CD36: variants seen among roughly 807,000 people sequenced by gnomAD.
CD36 encodes CD36 molecule (CD36 blood group).
A neutral mutation model predicts 55.2 loss-of-function variants in CD36; 119 were observed. The observed-to-expected ratio is 2.15, with a 90% CI of 1.86 to 2.51. The LOEUF (loss-of-function observed/expected upper bound fraction) is 2.51, where lower values mean the gene tolerates loss of function less well. Ranked by LOEUF, CD36 falls within the 30% of genes most tolerant of loss-of-function variation. CD36 has a pLI of 0.00. For synonymous variants in CD36, 186 were observed against 193.6 expected, an observed-to-expected ratio of 0.96 and a Z score of 0.33; for missense variants, 819 against 555.5, an observed-to-expected ratio of 1.47 and a Z score of -4.77.
chr7:80,602,604 C>G (rs1792302048), intron 1 of CD36, among the ~76,000 whole-genome samples: 1 of 152,134 alleles, frequency 6.6e-6, no homozygotes, highest in Admixed American at 6.5e-5. Flanking sequence ...CCACAAGTCT[C>G]TAAATTCCAT....
intron 3 of CD36, among the ~76,000 whole-genome samples, chr7:80,647,726 C>A (rs1282055922): frequency 6.6e-6 from 1 of 152,028 alleles, no homozygotes; most frequent in East Asian, 1.9e-4. Flanking sequence ...GTGCCAAGAA[C>A]AAGATAAAAT....
In CD36 at chr7:80,656,689, T is replaced by G; in HGVS notation, c.270T>G (p.Pro90=). The G allele has an allele frequency of 6.2e-7, 1 of 1,613,494 alleles. No homozygotes were observed. The highest frequency in any genetic ancestry group is 8.5e-7 in the Non-Finnish European group (1 of 1,179,598). Residue 90 remains proline, a synonymous_variant, in exon 4 of 15, where the codon CCT becomes CCG. Transcript: ENST00000447544. ...ACATTCAAGTTAAGCAAAGAGGTCC[T>G]TATACGTACAGGTGAGTGAGTCCCC... is the stretch of plus-strand genomic sequence containing the variant. ...SSNIQVKQRG[P]YTYRVRFLAK...
intron 13 of CD36, 182 bp downstream of exon 13, chr7:80,673,591 T>G (rs1243545306): frequency 6.9e-6 from 4 of 580,326 alleles, no homozygotes; most frequent in African/African-American, 3.8e-5. Flanking sequence ...TTCCTATCAT[T>G]TAAGATTTTC....
At chr7:80,671,849 G>A (rs941053336) in intron 10 of CD36, 73 bp from the exon 11 acceptor site, 22 of 1,386,774 alleles carry the variant, frequency 1.6e-5, no homozygotes, top group Admixed American at 1.0e-4. Context: ...TAGTTTTGTG[G>A]AAATATTTTT....
At chr7:80,628,418 T>A (rs1020438396) in intron 1 of CD36, among the ~76,000 whole-genome samples, 4 of 152,044 alleles carry the variant, frequency 2.6e-5, no homozygotes, top group Non-Finnish European at 4.4e-5. Context: ...TCTAAAGCTA[T>A]ATAAATGAGT....
At chr7:80,618,101 A>G (rs1175789099) in intron 1 of CD36, among the ~76,000 whole-genome samples, 1 of 152,110 alleles carries the variant, frequency 6.6e-6, no homozygotes, top group Non-Finnish European at 1.5e-5. Flanking sequence ...AATAGATTAT[A>G]GTGTGATATA....
chr7:80,669,362 T>C (rs1257454460), intron 8 of CD36, among the ~76,000 whole-genome samples: 1 of 152,204 alleles, frequency 6.6e-6, no homozygotes, highest in Admixed American at 6.5e-5. Flanking sequence ...ATTTTGAGAC[T>C]TTAAGAATTT....
intron 1 of CD36, among the ~76,000 whole-genome samples, chr7:80,631,350 G>A (rs1484328960): frequency 2.0e-5 from 3 of 152,010 alleles, no homozygotes; most frequent in Non-Finnish European, 2.9e-5. Flanking sequence ...AAGGATGAAA[G>A]ATTTCTTTCT....
At chr7:80,629,304 A>G (rs1482362788) in intron 1 of CD36, among the ~76,000 whole-genome samples, 3 of 152,034 alleles carry the variant, frequency 2.0e-5, no homozygotes, top group African/African-American at 2.4e-5. Context: ...CTCCTTATAC[A>G]TAAGCAGTGG....
intron 1 of CD36, among the ~76,000 whole-genome samples, chr7:80,639,109 C>T (rs1003077739): frequency 6.6e-6 from 1 of 151,758 alleles, no homozygotes; most frequent in Non-Finnish European, 1.5e-5. Context: ...TACTGCAGAC[C>T]AATATAATGA....
Position 80,645,097 on chromosome 7 carries a change from C to T in CD36, c.-183-991C>T, listed in dbSNP as rs534688786. Among the ~76,000 whole-genome samples, 14 of 151,054 alleles carry T rather than the reference C, an allele frequency of 9.3e-5. 1 individual carries two copies. The South Asian group carries it at 2.3e-3, about 25-fold the overall frequency. ...GTGCAATGGCATGATCTCGGCTCAC[C>T]GCAACCTCCGCCTCCTGGGTTCAAG... is the stretch of plus-strand genomic sequence containing the variant. On this transcript the variant is annotated intron_variant, in intron 1 of 14. Transcript: ENST00000447544.
At chr7:80,628,956 A>G (rs1793907598) in intron 1 of CD36, among the ~76,000 whole-genome samples, 1 of 152,084 alleles carries the variant, frequency 6.6e-6, no homozygotes, top group Non-Finnish European at 1.5e-5. Flanking sequence ...GCAATCAGAT[A>G]AGCTTTTATC....
intron 1 of CD36, among the ~76,000 whole-genome samples, chr7:80,639,395 A>C (rs1244864004): frequency 2.0e-5 from 3 of 151,964 alleles, no homozygotes; most frequent in Non-Finnish European, 4.4e-5. Context: ...AATTAGTGTA[A>C]ATTAGTAGAA....
chr7:80,675,333 A>G (rs1453952790), intron 14 of CD36, among the ~76,000 whole-genome samples: 2 of 152,176 alleles, frequency 1.3e-5, no homozygotes, highest in Non-Finnish European at 2.9e-5. Context: ...AAAGTAAAAC[A>G]AAATAACAAA....
chr7:80,614,228 A>G (rs766275805), intron 1 of CD36, among the ~76,000 whole-genome samples: 4 of 152,174 alleles, frequency 2.6e-5, no homozygotes, highest in Non-Finnish European at 4.4e-5. Flanking sequence ...GTTTCTCCAG[A>G]GCACATCCGT....
upstream of CD36, among the ~76,000 whole-genome samples, chr7:80,638,067 C>G (rs1794546868): frequency 6.6e-6 from 1 of 151,946 alleles, no homozygotes; most frequent in South Asian, 2.1e-4. Context: ...AAATGATAAA[C>G]AGTTAAGAAC....
intron 1 of CD36, among the ~76,000 whole-genome samples, chr7:80,616,693 TAAG>T (rs1178843563): frequency 6.6e-6 from 1 of 152,300 alleles, no homozygotes; most frequent in Non-Finnish European, 1.5e-5. Flanking sequence ...GTTCATATAA[TAAG>T]GAGTCAACAG....
intron 3 of CD36, among the ~76,000 whole-genome samples, chr7:80,656,166 A>G (rs747037971): frequency 6.6e-6 from 1 of 152,144 alleles, no homozygotes; most frequent in Non-Finnish European, 1.5e-5. Flanking sequence ...GGCAGAGAAG[A>G]AGTTCAACTC....
At chr7:80,656,935 A>C (rs1562802484) in intron 4 of CD36, among the ~76,000 whole-genome samples, 1 of 152,160 alleles carries the variant, frequency 6.6e-6, no homozygotes. Context: ...TTTATTAGAC[A>C]ATATATAGAA....
Sources: gnomAD v4.1 joint callset for allele counts (sites outside exome capture counted in the v4.1 genomes callset) on GRCh38, gnomAD v4.1.1 for gene constraint, MANE v1.5 for transcripts, NCBI Gene and HGNC (gene_info 2026-07-23, HGNC 2026-07-21) for gene names.